The following HTR3B variants were observed in gnomAD, a reference collection of about 807,000 sequenced individuals.
The protein encoded by HTR3B is 5-hydroxytryptamine receptor 3B, also known as 5-hydroxytryptamine (serotonin) receptor 3B, ionotropic.
In HTR3B, 44 loss-of-function variants were observed where a neutral mutation model predicts 42.8. The ratio of observed to expected loss-of-function variants is 1.03; its 90% CI spans 0.81 to 1.32. The LOEUF (loss-of-function observed/expected upper bound fraction) is 1.32. Among genes scored for constraint, HTR3B ranks in the 40% most tolerant of loss-of-function variants. The pLI is 0.00. For missense variants in HTR3B, 527 were observed against 536.5 expected, an observed-to-expected ratio of 0.98 and a Z score of 0.17; for synonymous variants, 203 against 209.0, an observed-to-expected ratio of 0.97 and a Z score of 0.25.
intron 2 of HTR3B, among the ~76,000 whole-genome samples, chr11:113,913,164 G>A (rs1466768363): frequency 2.0e-5 from 3 of 150,502 alleles, no homozygotes; most frequent in African/African-American, 7.3e-5. Flanking sequence ...GTTTGTTATG[G>A]TTTGAATGTG....
chr11:113,916,749 C>A lies in HTR3B; in HGVS notation c.213+7294C>A, dbSNP rs142238306. On this transcript the variant is annotated intron_variant, in intron 2 of 8. Coordinates refer to ENST00000260191, the MANE Select transcript of HTR3B (RefSeq NM_006028.5). ...ATGTTTCATCATTTTTAGCGTTTTG[C>A]ATACATTTGGTTAAATTTATTCCTA... 3.6e-3 allele frequency among the ~76,000 whole-genome samples: 548 copies of A among 152,210 alleles called. 5 individuals are homozygous for A. The highest frequency in any genetic ancestry group is 0.017 in the Middle Eastern group (5 of 294).
chr11:113,925,722 G>T (rs1429856813), intron 2 of HTR3B, among the ~76,000 whole-genome samples: 1 of 151,664 alleles, frequency 6.6e-6, no homozygotes, highest in Non-Finnish European at 1.5e-5. Context: ...TTTAGTGATG[G>T]ATTATACATG....
At chr11:113,930,341 G>A (rs1332910483) in intron 2 of HTR3B, among the ~76,000 whole-genome samples, 1 of 151,640 alleles carries the variant, frequency 6.6e-6, no homozygotes, top group East Asian at 1.9e-4. Flanking sequence ...CTTACATTTG[G>A]GTGTATGATT....
chr11:113,899,022 G>A, the HTR3B span, among the ~76,000 whole-genome samples: 2 of 152,162 alleles, frequency 1.3e-5, no homozygotes, highest in Admixed American at 6.5e-5. Context: ...CTTAGAAGCA[G>A]TAAGGAGTTT....
chr11:113,907,667 A>G (rs1421290921), intron 1 of HTR3B, among the ~76,000 whole-genome samples: 1 of 152,176 alleles, frequency 6.6e-6, no homozygotes, highest in Non-Finnish European at 1.5e-5. Context: ...TTCCTAGACA[A>G]GATCGCAGAG....
Position 113,943,006 on chromosome 11 carries a change from G to T in HTR3B, c.721G>T (p.Val241Phe), listed in dbSNP as rs1950148272. 12 of 1,614,074 alleles carry T rather than the reference G, an allele frequency of 7.4e-6. No individual in the cohort carries two copies. The East Asian group carries it at 2.7e-4, about 36-fold the overall frequency. Residue 241 changes from valine (V) to phenylalanine (F), a missense_variant, in exon 7 of 9, where the codon GTC (valine) becomes TTC (phenylalanine). Transcript: ENST00000260191. ...FNVVMRRHPL[V>F]YVVSLLIPSI... Reference sequence around the variant, plus strand: ...GGTGGTGATGCGCAGGCACCCCCTGGTCTATGTCGTGAGTCTGCTGATTCC... The same window carrying T: ...GGTGGTGATGCGCAGGCACCCCCTGTTCTATGTCGTGAGTCTGCTGATTCC...
At chr11:113,926,473 C>CTTTCT (rs1949974420) in intron 2 of HTR3B, among the ~76,000 whole-genome samples, 2 of 71,288 alleles carry the variant, frequency 2.8e-5, no homozygotes, top group Non-Finnish European at 6.7e-5. Flanking sequence ...CTTTCTTTTC[C>CTTTCT]TTTCCTTTCC....
rs11607692 is a variant in HTR3B, at chr11:113,948,061, T to C, written c.*1924T>C. ...CCCTCTCTCATTACCTCCCAGTTAG[T>C]GCTCAGCGCCAATTGTCCATGAAAT... On this transcript the variant is annotated 3_prime_UTR_variant, in exon 9 of 9. Transcript: ENST00000260191. 0.074 allele frequency among the ~76,000 whole-genome samples: 11,253 copies of C among 152,232 alleles called. 541 individuals are homozygous for C. Among genetic ancestry groups the C allele is most frequent in the Admixed American group, 0.1 (1,581 of 15,286 alleles).
At position 113,947,975 on chromosome 11, in the gene HTR3B, G is replaced by GC. The variant is rs1950192053; in HGVS notation, c.*1844dup. Among the ~76,000 whole-genome samples the GC allele has an allele frequency of 6.6e-6, 1 of 151,664 alleles. No individual in the cohort carries two copies. The highest frequency in any genetic ancestry group is 6.6e-5 in the Admixed American group (1 of 15,214). ...ACTAAAATTGCCTTTAGAAAAATCT[G>GC]CCCCCCTCCATCCCCCCAAAGAAAA... is the stretch of plus-strand genomic sequence containing the variant. On this transcript the variant is annotated 3_prime_UTR_variant, in exon 9 of 9. Coordinates refer to ENST00000260191, the MANE Select transcript of HTR3B (RefSeq NM_006028.5).
At chr11:113,907,297 C>G (rs1201904736) in intron 1 of HTR3B, among the ~76,000 whole-genome samples, 1 of 152,194 alleles carries the variant, frequency 6.6e-6, no homozygotes, top group Non-Finnish European at 1.5e-5. Flanking sequence ...GTTGAAACAT[C>G]ACTGAACTGT....
At chr11:113,912,897 T>C (rs1020920499) in intron 2 of HTR3B, among the ~76,000 whole-genome samples, 5 of 150,356 alleles carry the variant, frequency 3.3e-5, no homozygotes, top group Non-Finnish European at 7.4e-5. Context: ...GGGTCATTGG[T>C]TTTTTTTTAT....
chr11:113,920,144 T>C (rs1172570900), intron 2 of HTR3B, among the ~76,000 whole-genome samples: 2 of 151,774 alleles, frequency 1.3e-5, no homozygotes, highest in Non-Finnish European at 2.9e-5. Flanking sequence ...TTCTCCTGCC[T>C]CAGCCTCCCG....
chr11:113,906,078 C>A (rs984044355), intron 1 of HTR3B, among the ~76,000 whole-genome samples: 2 of 152,048 alleles, frequency 1.3e-5, no homozygotes, highest in Admixed American at 6.6e-5. Flanking sequence ...TTAACAATAT[C>A]TCTCTAATGT....
intron 2 of HTR3B, among the ~76,000 whole-genome samples, chr11:113,922,968 C>T (rs751914221): frequency 3.3e-5 from 5 of 152,220 alleles, no homozygotes; most frequent in Non-Finnish European, 7.3e-5. Context: ...TTTTCCATAA[C>T]ATGCAGCACT....
intron 2 of HTR3B, among the ~76,000 whole-genome samples, chr11:113,923,111 A>T (rs1949932676): frequency 6.6e-6 from 1 of 152,212 alleles, no homozygotes. Flanking sequence ...TCTCTATTGC[A>T]TGTAGGTGGG....
chr11:113,924,370 C>T (rs1156244613), intron 2 of HTR3B, among the ~76,000 whole-genome samples: 1 of 152,026 alleles, frequency 6.6e-6, no homozygotes, highest in Non-Finnish European at 1.5e-5. Flanking sequence ...AATCCTAGCA[C>T]TTTGGGAGGC....
At chr11:113,945,688 A>C (rs770180367) in intron 8 of HTR3B, among the ~76,000 whole-genome samples, 4 of 152,218 alleles carry the variant, frequency 2.6e-5, no homozygotes, top group Non-Finnish European at 5.9e-5. Flanking sequence ...CACCCTGCTT[A>C]CATAATAACA....
At chr11:113,938,106 T>C (rs1260638399) in intron 6 of HTR3B, among the ~76,000 whole-genome samples, 1 of 152,126 alleles carries the variant, frequency 6.6e-6, no homozygotes, top group Non-Finnish European at 1.5e-5. Context: ...TCCAGTCACA[T>C]TGGATTAAGG....
intron 6 of HTR3B, among the ~76,000 whole-genome samples, chr11:113,940,218 T>C (rs45611539): frequency 0.027 from 4,159 of 152,308 alleles, 79 homozygotes; most frequent in Middle Eastern, 0.065. Flanking sequence ...GGGCTCTTTC[T>C]GCTTAACCAA....
Sources: gnomAD v4.1 joint callset for allele counts (sites outside exome capture counted in the v4.1 genomes callset) on GRCh38, gnomAD v4.1.1 for gene constraint, MANE v1.5 for transcripts, NCBI Gene and HGNC (gene_info 2026-07-23, HGNC 2026-07-21) for gene names.